Variants in SLC16A1 observed in about 807,000 individuals in gnomAD.
SLC16A1 encodes solute carrier family 16 member 1, also known as monocarboxylate transporter 1.
SLC16A1 carries 11 observed loss-of-function variants against 32.2 expected under a neutral mutation model. The observed-to-expected ratio is 0.34, with a 90% CI of 0.21 to 0.56. The LOEUF (loss-of-function observed/expected upper bound fraction) is 0.56. SLC16A1 is among the 20% of genes least tolerant of loss of function. The probability of loss-of-function intolerance (pLI) is 0.87; values close to 1 mark genes in which losing one functional copy is unlikely to be tolerated. For missense variants in SLC16A1, 435 were observed against 615.0 expected, an observed-to-expected ratio of 0.71 and a Z score of 3.10; for synonymous variants, 231 against 226.8, an observed-to-expected ratio of 1.02 and a Z score of -0.17.
chr1:112,942,829 T>C (rs995693645), intron 1 of SLC16A1, among the ~76,000 whole-genome samples: 2 of 152,200 alleles, frequency 1.3e-5, no homozygotes, highest in Non-Finnish European at 2.9e-5. Context: ...TCTTGTACAG[T>C]AGTTGTTTTA....
intron 3 of SLC16A1, among the ~76,000 whole-genome samples, chr1:112,919,723 C>T (rs191278712): frequency 5.8e-4 from 89 of 152,340 alleles, no homozygotes; most frequent in African/African-American, 2.1e-3. Flanking sequence ...TCCCTGACCT[C>T]ATAGCAAACC....
At chr1:112,925,657 G>C (rs1235273322) in intron 2 of SLC16A1, among the ~76,000 whole-genome samples, 1 of 152,178 alleles carries the variant, frequency 6.6e-6, no homozygotes, top group East Asian at 1.9e-4. Context: ...GGGATTATAG[G>C]TGTGAGCCAC....
intron 2 of SLC16A1, among the ~76,000 whole-genome samples, chr1:112,926,904 A>T (rs1358241299): frequency 7.5e-6 from 1 of 132,784 alleles, no homozygotes; most frequent in Non-Finnish European, 1.6e-5. Context: ...AAATAAATAA[A>T]TAATAAAAAA....
rs149491709 is a variant in SLC16A1, at chr1:112,918,054, CAATAAATA to C, written c.362-18_362-11del. 121,857 of 844,110 alleles carry C rather than the reference CAATAAATA, an allele frequency of 0.14. 11,538 individuals are homozygous for C. The highest frequency in any genetic ancestry group is 0.19 in the Admixed American group (5,022 of 27,106). 52.3% of individuals were successfully genotyped at this position (844,110 alleles called of 1,614,324 possible). The stretch of plus-strand genomic sequence containing the variant: ...AAGGCAAGCCCAAGACCTGTGAAGA[CAATAAATA>C]AATAAATAAATAAATAAATAAATAA... On this transcript the variant is annotated splice_polypyrimidine_tract_variant and intron_variant, in intron 3 of 4. Coordinates refer to ENST00000369626, the MANE Select transcript of SLC16A1 (RefSeq NM_003051.4).
chr1:112,955,726 G>A (rs894311968), intron 1 of SLC16A1: 1 of 152,266 alleles, frequency 6.6e-6, no homozygotes, highest in African/African-American at 2.4e-5. Flanking sequence ...AAGACTTAGG[G>A]GGGAAGGGAC....
chr1:112,916,416 T>C (rs1238290347), intron 4 of SLC16A1, among the ~76,000 whole-genome samples: 2 of 146,822 alleles, frequency 1.4e-5, no homozygotes, highest in Non-Finnish European at 3.0e-5. Flanking sequence ...GAGAATTGCT[T>C]GAACCCAGGA....
chr1:112,944,557 A>G (rs1649627700), intron 1 of SLC16A1, among the ~76,000 whole-genome samples: 1 of 152,252 alleles, frequency 6.6e-6, no homozygotes, highest in Non-Finnish European at 1.5e-5. Flanking sequence ...TTTACCTGTC[A>G]TTCTACCATC....
intron 1 of SLC16A1, among the ~76,000 whole-genome samples, chr1:112,933,780 T>C (rs969350218): frequency 4.6e-5 from 7 of 152,352 alleles, no homozygotes; most frequent in Non-Finnish European, 8.8e-5. Context: ...AACTCTCATA[T>C]TGCTGATGTT....
Position 112,923,864 on chromosome 1 carries a change from C to T in SLC16A1, c.218-1731G>A, listed in dbSNP as rs61735882. The T allele has an allele frequency of 8.7e-4, 1,316 of 1,516,450 alleles. 17 individuals carry two copies. In the African/African-American group the frequency reaches 0.016, roughly 19 times the overall value. 93.9% of individuals were successfully genotyped at this position (1,516,450 alleles called of 1,614,324 possible). The stretch of plus-strand genomic sequence containing the variant: ...TGCCCACTGTGTACCAGGGCATGTA[C>T]AACGCCACCACCCAGCAGGTGAAAA... On this transcript the variant is annotated intron_variant, in intron 2 of 4. Coordinates refer to ENST00000369626, the MANE Select transcript of SLC16A1 (RefSeq NM_003051.4).
chr1:112,934,040 A>G (rs984646606), intron 1 of SLC16A1, among the ~76,000 whole-genome samples: 1 of 152,234 alleles, frequency 6.6e-6, no homozygotes, highest in African/African-American at 2.4e-5. Context: ...ATGCGATAAC[A>G]TGGATGAATT....
chr1:112,924,461 C>A (rs1648862980), intron 2 of SLC16A1: 1 of 764,332 alleles, frequency 1.3e-6, no homozygotes, highest in South Asian at 1.6e-5. Flanking sequence ...TGGACAAAAA[C>A]CTAACAGTAA....
rs606231299 is a variant in SLC16A1 at position 112,917,469 on chromosome 1, G to A, written c.937C>T (p.Arg313Ter). The change falls in exon 4 of 5, where the codon CGA becomes TGA. Residue 313 changes from arginine to a stop codon, truncating the protein, a stop_gained. Coordinates refer to ENST00000369626, the MANE Select transcript of SLC16A1 (RefSeq NM_003051.4). LOFTEE classifies it high-confidence loss of function. The surrounding 1 kb of genome is among the most constrained non-coding windows in gnomAD (Gnocchi z 4.1). ...SILAFVDMVA[R>*]PSMGLVANTK... Reference sequence around the variant, plus strand: ...TTGGCTACAAGTCCCATAGATGGTCGGGCTACCATGTCAACAAAAGCCAGA... The same window carrying A: ...TTGGCTACAAGTCCCATAGATGGTCAGGCTACCATGTCAACAAAAGCCAGA... 2 of 1,614,068 alleles carry A rather than the reference G, an allele frequency of 1.2e-6. No homozygotes were observed. The highest frequency in any genetic ancestry group is 2.2e-5 in the East Asian group (1 of 44,886).
chr1:112,938,829 T>C lies in SLC16A1; in HGVS notation c.-44-9477A>G, dbSNP rs959483376. Among the ~76,000 whole-genome samples, 4 of 152,250 alleles carry C rather than the reference T, an allele frequency of 2.6e-5. No individual in the cohort carries two copies. The South Asian group carries it at 6.2e-4, about 24-fold the overall frequency. On this transcript the variant is annotated intron_variant, in intron 1 of 4. Coordinates refer to ENST00000369626, the MANE Select transcript of SLC16A1 (RefSeq NM_003051.4). ...CAGTATTTTAGTTAATAATTTACAG[T>C]TTAAAATTATTTACATAGACCACTC...
chr1:112,919,673 A>C (rs1279369945), intron 3 of SLC16A1, among the ~76,000 whole-genome samples: 1 of 152,224 alleles, frequency 6.6e-6, no homozygotes, highest in African/African-American at 2.4e-5. Flanking sequence ...GAAATTATTC[A>C]ATAAATAGTG....
At chr1:112,919,280 T>G (rs929594786) in intron 3 of SLC16A1, among the ~76,000 whole-genome samples, 29 of 152,136 alleles carry the variant, frequency 1.9e-4, no homozygotes, top group African/African-American at 5.5e-4. Flanking sequence ...GTGATCCACC[T>G]GGCTCGGCCT....
chr1:112,922,582 T>G (rs1260316483), intron 2 of SLC16A1, among the ~76,000 whole-genome samples: 2 of 152,104 alleles, frequency 1.3e-5, no homozygotes, highest in Admixed American at 1.3e-4. Flanking sequence ...AAGACCAGCC[T>G]GGCCAACATG....
At position 112,913,730 on chromosome 1, in the gene SLC16A1, G is replaced by T; in HGVS notation, c.*161C>A. The T allele has an allele frequency of 3.7e-6, 3 of 807,634 alleles. No individual in the cohort carries two copies. Among genetic ancestry groups the T allele is most frequent in the South Asian group, 3.1e-5 (2 of 65,290 alleles). 50.0% of individuals were successfully genotyped at this position (807,634 alleles called of 1,614,324 possible). On this transcript the variant is annotated 3_prime_UTR_variant, in exon 5 of 5. Coordinates refer to ENST00000369626, the MANE Select transcript of SLC16A1 (RefSeq NM_003051.4). ...TTCCCTCCTCAAATTCAGGCTATTG[G>T]TAAGGAGTCAAACAAAAATCCCATC... is the stretch of plus-strand genomic sequence containing the variant.
In SLC16A1 at chr1:112,913,538, G is replaced by T; in HGVS notation, c.*353C>A. 1 of 219,932 alleles carries T rather than the reference G, an allele frequency of 4.5e-6. No homozygotes were observed. Among genetic ancestry groups the T allele is most frequent in the Non-Finnish European group, 9.1e-6 (1 of 109,428 alleles). The allele number at this position is 219,932 out of a possible 1,614,324, so 13.6% of individuals were successfully genotyped here. A position where few individuals can be genotyped will look rare whatever the true frequency, so the allele number is the denominator to read the frequency against. ...TATTTTTCCTTTTAACACAACACTCGAAATAGATGAATTCAGCAAAAATGG... is the reference window on the plus strand; with the variant it reads ...TATTTTTCCTTTTAACACAACACTCTAAATAGATGAATTCAGCAAAAATGG... On this transcript the variant is annotated 3_prime_UTR_variant, in exon 5 of 5. Transcript: ENST00000369626.
intron 1 of SLC16A1, among the ~76,000 whole-genome samples, chr1:112,950,829 A>G (rs1238907764): frequency 6.6e-6 from 1 of 152,122 alleles, no homozygotes; most frequent in Admixed American, 6.5e-5. Flanking sequence ...AGACCCTATC[A>G]CTAAAAAAAT....
Sources: gnomAD v4.1 joint callset for allele counts (sites outside exome capture counted in the v4.1 genomes callset) on GRCh38, gnomAD v4.1.1 for gene constraint, Gnocchi (gnomAD v3.1) non-coding constraint, MANE v1.5 for transcripts, NCBI Gene and HGNC (gene_info 2026-07-23, HGNC 2026-07-21) for gene names.